Variants in COL21A1 observed in about 807,000 individuals in gnomAD.
COL21A1 encodes the protein collagen type XXI alpha 1 chain.
In COL21A1, 149 loss-of-function variants were observed where a neutral mutation model predicts 137.9. The observed-to-expected ratio is 1.08, with a 90% CI of 0.95 to 1.24. The LOEUF (loss-of-function observed/expected upper bound fraction) is 1.24, where lower values mean the gene tolerates loss of function less well. COL21A1 is among the 50% of genes most tolerant of loss of function. The probability of loss-of-function intolerance (pLI) is 0.00; values close to 1 mark genes in which losing one functional copy is unlikely to be tolerated. For synonymous variants in COL21A1, 456 were observed against 391.5 expected, an observed-to-expected ratio of 1.16 and a Z score of -1.95; for missense variants, 1,167 against 1,158.4, an observed-to-expected ratio of 1.01 and a Z score of -0.11.
intron 29 of COL21A1, among the ~76,000 whole-genome samples, 189 bp from the exon 30 acceptor site, chr6:56,058,033 G>C (rs1035442629): frequency 3.3e-5 from 5 of 151,850 alleles, no homozygotes; most frequent in Admixed American, 6.6e-5. Flanking sequence ...CCATCCAAAA[G>C]TTAAAGTTAT....
At chr6:56,342,423 T>C (rs896401681) in intron 1 of COL21A1, among the ~76,000 whole-genome samples, 4 of 152,174 alleles carry the variant, frequency 2.6e-5, no homozygotes, top group African/African-American at 9.7e-5. Flanking sequence ...CCCACTGACC[T>C]GAGGATGAAA....
At chr6:56,301,271 A>C (rs1180823496) in intron 1 of COL21A1, among the ~76,000 whole-genome samples, 1 of 152,172 alleles carries the variant, frequency 6.6e-6, no homozygotes, top group Non-Finnish European at 1.5e-5. Context: ...TTAAGGAGGC[A>C]CAATGTCTGA....
chr6:56,276,039 C>T (rs965523336), intron 1 of COL21A1, among the ~76,000 whole-genome samples: 1 of 152,078 alleles, frequency 6.6e-6, no homozygotes, highest in African/African-American at 2.4e-5. Flanking sequence ...TCCTATGCAG[C>T]CATAAAAAAG....
At chr6:56,138,226 T>C (rs1033636861) in intron 12 of COL21A1, among the ~76,000 whole-genome samples, 14 of 151,602 alleles carry the variant, frequency 9.2e-5, no homozygotes, top group African/African-American at 3.4e-4. Flanking sequence ...AGAAAAGAGG[T>C]TGTGCATATG....
intron 1 of COL21A1, among the ~76,000 whole-genome samples, chr6:56,382,698 CA>C (rs1457893771): frequency 3.3e-5 from 5 of 151,952 alleles, no homozygotes; most frequent in Non-Finnish European, 5.9e-5. Flanking sequence ...GAGGTCACTG[CA>C]AAAAAACAGC....
chr6:56,280,509 TG>T (rs1405896876), intron 1 of COL21A1, among the ~76,000 whole-genome samples: 1 of 152,078 alleles, frequency 6.6e-6, no homozygotes, highest in Non-Finnish European at 1.5e-5. Flanking sequence ...TTCCTACCCT[TG>T]AGGGGCTCAC....
upstream of COL21A1, among the ~76,000 whole-genome samples, chr6:56,251,423 T>C (rs1404136563): frequency 6.6e-6 from 1 of 152,154 alleles, no homozygotes; most frequent in Non-Finnish European, 1.5e-5. Flanking sequence ...ATCGAATGAA[T>C]ACCTAATGTG....
rs1459337520 is a variant in COL21A1 at position 56,277,837 on chromosome 6, A to G, written c.-38-95181T>C. 2.0e-5 allele frequency among the ~76,000 whole-genome samples: 3 copies of G among 152,228 alleles called. No individual in the cohort carries two copies. In the East Asian group the frequency reaches 5.8e-4, roughly 29 times the overall value. On this transcript the variant is annotated intron_variant, in intron 1 of 28. Coordinates refer to the COL21A1 transcript ENST00000370819. ...CAAGTGAGACAGAAAGGTGGTTATT[A>G]AGATACAGACTTAACATGTATATTT...
At chr6:56,158,657 T>C (rs1353892150) in intron 9 of COL21A1, among the ~76,000 whole-genome samples, 1 of 152,090 alleles carries the variant, frequency 6.6e-6, no homozygotes, top group African/African-American at 2.4e-5. Context: ...GAGCCAAATT[T>C]CATGGAAATA....
chr6:56,276,697 G>T (rs1164715323), intron 1 of COL21A1: 1 of 1,438,200 alleles, frequency 7.0e-7, no homozygotes, highest in Non-Finnish European at 9.8e-7. Context: ...AATAGTTTAA[G>T]ATGGCCTGGG....
chr6:56,358,277 G>A (rs1765883178), intron 1 of COL21A1, among the ~76,000 whole-genome samples: 1 of 151,898 alleles, frequency 6.6e-6, no homozygotes, highest in Admixed American at 6.6e-5. Flanking sequence ...GGACTTTTTA[G>A]TTGCCAAATC....
chr6:56,167,018 G>T (rs776920594), intron 6 of COL21A1, 35 bp from the exon 7 acceptor site: 35 of 1,498,878 alleles, frequency 2.3e-5, no homozygotes, highest in Non-Finnish European at 3.1e-5. Context: ...TAAAGTTGAG[G>T]CACAAGCTAA....
At chr6:56,282,062 G>A (rs1562038394) in intron 1 of COL21A1, among the ~76,000 whole-genome samples, 1 of 151,984 alleles carries the variant, frequency 6.6e-6, no homozygotes, top group Non-Finnish European at 1.5e-5. Context: ...AAATATTTTT[G>A]GAGAAATATT....
chr6:56,117,480 T>A (rs1772044506), intron 16 of COL21A1, among the ~76,000 whole-genome samples: 1 of 151,996 alleles, frequency 6.6e-6, no homozygotes, highest in Non-Finnish European at 1.5e-5. Flanking sequence ...CCCAATACAA[T>A]AATAGCTGGA....
chr6:56,349,462 G>A (rs1765664177), intron 1 of COL21A1, among the ~76,000 whole-genome samples: 1 of 152,094 alleles, frequency 6.6e-6, no homozygotes, highest in Non-Finnish European at 1.5e-5. Context: ...TTGCATTCTT[G>A]CCAGAAAGTG....
intron 1 of COL21A1, among the ~76,000 whole-genome samples, chr6:56,369,444 T>C (rs1272684522): frequency 2.0e-5 from 3 of 150,400 alleles, no homozygotes; most frequent in African/African-American, 7.5e-5. Context: ...AATCAAAATA[T>C]TGATAAAAAA....
At chr6:56,303,803 T>G in intron 1 of COL21A1, among the ~76,000 whole-genome samples, 1 of 152,190 alleles carries the variant, frequency 6.6e-6, no homozygotes, top group Non-Finnish European at 1.5e-5. Flanking sequence ...CATCCCTGTC[T>G]TGTACCAGTT....
At chr6:56,286,150 G>C (rs1356480074) in intron 1 of COL21A1, among the ~76,000 whole-genome samples, 1 of 152,152 alleles carries the variant, frequency 6.6e-6, no homozygotes, top group African/African-American at 2.4e-5. Context: ...TACAGTTTAT[G>C]CAAGGTTTAA....
intron 1 of COL21A1, among the ~76,000 whole-genome samples, chr6:56,277,553 C>A (rs956805487): frequency 3.9e-5 from 6 of 152,118 alleles, no homozygotes; most frequent in Non-Finnish European, 8.8e-5. Context: ...ATAATAACTA[C>A]CAAATACACT....
Sources: gnomAD v4.1 joint callset for allele counts (sites outside exome capture counted in the v4.1 genomes callset) on GRCh38, gnomAD v4.1.1 for gene constraint, MANE v1.5 for transcripts, NCBI Gene and HGNC (gene_info 2026-07-23, HGNC 2026-07-21) for gene names.